Variants in CELSR1 observed in about 807,000 individuals in gnomAD.
CELSR1 encodes adhesion G protein-coupled receptor C1.
Under a neutral mutation model 249.1 loss-of-function variants are expected in CELSR1, and 110 were observed. That is an observed-to-expected ratio of 0.44 (90% CI 0.38 to 0.52). The LOEUF (loss-of-function observed/expected upper bound fraction) is 0.52, where lower values mean the gene tolerates loss of function less well. CELSR1 is among the 20% of genes least tolerant of loss of function. The pLI, the probability that CELSR1 is intolerant of heterozygous loss-of-function variation, is 0.00. For synonymous variants in CELSR1, 2,113 were observed against 1,900.0 expected (o/e 1.11, Z -2.92); for missense variants, 4,109 against 4,296.4 (o/e 0.96, Z 1.22).
At position 46,471,595 on chromosome 22, in the gene CELSR1, G is replaced by A. The variant is rs1468974098; in HGVS notation, c.3545-7250C>T. On this transcript the variant is annotated intron_variant, in intron 1 of 34. Transcript: ENST00000674500. This position sits in a 1 kb window ranked among gnomAD's most constrained non-coding sequence, Gnocchi z 4.9. Reference sequence around the variant, plus strand: ...GTTTTTTGTAGAGGTGAGGCCGTGCGATGTTGCCCAGGCTGGTCTCACACT... The same window carrying A: ...GTTTTTTGTAGAGGTGAGGCCGTGCAATGTTGCCCAGGCTGGTCTCACACT... Among the ~76,000 whole-genome samples the A allele has an allele frequency of 2.0e-5, 3 of 152,060 alleles. No individual in the cohort carries two copies. The highest frequency in any genetic ancestry group is 2.1e-4 in the South Asian group (1 of 4,820).
In CELSR1 at chr22:46,406,669, G is replaced by C. The variant is rs1046036565; in HGVS notation, c.5226+2327C>G. Among the ~76,000 whole-genome samples, 8 of 152,230 alleles carry C rather than the reference G, an allele frequency of 5.3e-5. No individual in the cohort carries two copies. The highest frequency in any genetic ancestry group is 1.3e-4 in the Admixed American group (2 of 15,286). ...ACTGTTTCTAGATGGGCTGTCCTTA[G>C]GAGTGACAGAGAAGGGCCTGTGGCT... On this transcript the variant is annotated intron_variant, in intron 9 of 34. Transcript: ENST00000674500. The surrounding 1 kb of genome is among the most constrained non-coding windows in gnomAD (Gnocchi z 5.4).
rs2080654594 is a variant in CELSR1, at chr22:46,518,758, G to GGGCGCGGTGGCTC, written c.3544+14856_3544+14868dup. Among the ~76,000 whole-genome samples the GGGCGCGGTGGCTC allele has an allele frequency of 6.6e-6, 1 of 152,162 alleles. No homozygotes were observed. Among genetic ancestry groups the GGGCGCGGTGGCTC allele is most frequent in the Non-Finnish European group, 1.5e-5 (1 of 68,040 alleles). On this transcript the variant is annotated intron_variant, in intron 1 of 34. Transcript: ENST00000674500. This position sits in a 1 kb window ranked among gnomAD's most constrained non-coding sequence, Gnocchi z 5.2. ...TCTTATAAAGACTCCAGTTGTGGCT[G>GGGCGCGGTGGCTC]GGCGCGGTGGCTCGCCTGTAATCCA...
chr22:46,524,055 G>C (rs190510116), intron 1 of CELSR1, among the ~76,000 whole-genome samples: 1 of 152,320 alleles, frequency 6.6e-6, no homozygotes, highest in East Asian at 1.9e-4. Context: ...CTCCAGCTCT[G>C]TGCCCCAGGG....
Position 46,435,279 on chromosome 22 carries a change from ATT to A in CELSR1, c.4522+893_4522+894del, listed in dbSNP as rs887443508. Among the ~76,000 whole-genome samples, 912 of 108,268 alleles carry A rather than the reference ATT, an allele frequency of 8.4e-3. 9 individuals carry two copies. Among genetic ancestry groups the A allele is most frequent in the African/African-American group, 0.035 (778 of 22,526 alleles). 71.0% of individuals were successfully genotyped at this position (108,268 alleles called of 152,430 possible). On this transcript the variant is annotated intron_variant, in intron 4 of 34. Transcript: ENST00000674500. ...CCTTGTCCAAAAAAAAAAAAAAAAA[ATT>A]TTTTTTTTTTTTTTTTTTGAGATGG...
chr22:46,516,350 C>T (rs886686419), intron 1 of CELSR1, among the ~76,000 whole-genome samples: 1 of 152,024 alleles, frequency 6.6e-6, no homozygotes, highest in African/African-American at 2.4e-5. Flanking sequence ...AGCAAACTAT[C>T]GCAAGGACAA....
At chr22:46,503,078 C>G (rs1245132959) in intron 1 of CELSR1, among the ~76,000 whole-genome samples, 1 of 152,172 alleles carries the variant, frequency 6.6e-6, no homozygotes, top group East Asian at 1.9e-4. Context: ...TGTCCCTTAA[C>G]AGTCGGGGGA....
chr22:46,461,151 G>C (rs2080022033), intron 2 of CELSR1, among the ~76,000 whole-genome samples: 1 of 152,092 alleles, frequency 6.6e-6, no homozygotes, highest in Non-Finnish European at 1.5e-5. Context: ...CGCTTCAAAG[G>C]GAAAGAGGGA....
chr22:46,365,439 A>C, intron 31 of CELSR1, 59 bp from the exon 32 acceptor site: 1 of 1,592,994 alleles, frequency 6.3e-7, no homozygotes, highest in South Asian at 1.1e-5. Context: ...AGTCCCACCG[A>C]GGGCCAAGCA....
intron 1 of CELSR1, among the ~76,000 whole-genome samples, chr22:46,474,405 G>A (rs1047429223): frequency 5.9e-5 from 9 of 151,978 alleles, no homozygotes; most frequent in African/African-American, 1.7e-4. Flanking sequence ...ACATCCTCCC[G>A]TTGGTCCCAC....
At chr22:46,453,317 G>A (rs1418047393) in intron 2 of CELSR1, among the ~76,000 whole-genome samples, 2 of 152,154 alleles carry the variant, frequency 1.3e-5, no homozygotes, top group Non-Finnish European at 2.9e-5. Context: ...CACTCATCAC[G>A]AGAAAAGGCT....
At position 46,534,177 on chromosome 22, in the gene CELSR1, C is replaced by T. The variant is rs2147823452; in HGVS notation, c.2994G>A (p.Met998Ile). 1 of 1,613,904 alleles carries T rather than the reference C, an allele frequency of 6.2e-7. No homozygotes were observed. Among genetic ancestry groups the T allele is most frequent in the African/African-American group, 1.3e-5 (1 of 75,064 alleles). The change falls in exon 1 of 35, where the codon ATG (methionine) becomes ATA (isoleucine). Residue 998 changes from methionine (M) to isoleucine (I), a missense_variant. Around this residue, in one of 7 missense-constraint regions of CELSR1, gnomAD observed 886 missense variants for 896.5 expected, o/e 0.99. Transcript: ENST00000674500. The surrounding 1 kb of genome is among the most constrained non-coding windows in gnomAD (Gnocchi z 9.7). ...TILDINDNAPMFEKDELELFV... is the reference protein window; with the variant it reads ...TILDINDNAPIFEKDELELFV... ...ACAGCTCCAGTTCGTCCTTCTCAAA[C>T]ATGGGGGCATTGTCATTAATGTCCA...
chr22:46,499,185 TA>T (rs10606942), intron 1 of CELSR1, among the ~76,000 whole-genome samples: 29,494 of 130,676 alleles, frequency 0.23, 3,221 homozygotes, highest in Middle Eastern at 0.28. Flanking sequence ...GTTGCAAATC[TA>T]AAAAAAAAAA....
chr22:46,443,060 G>A (rs538487407), intron 2 of CELSR1, among the ~76,000 whole-genome samples: 95 of 152,000 alleles, frequency 6.3e-4, no homozygotes, highest in Admixed American at 4.5e-3. Context: ...ATCGCACCGC[G>A]GCACTCCAGC....
intron 2 of CELSR1, among the ~76,000 whole-genome samples, chr22:46,439,919 G>A (rs915743483): frequency 6.6e-6 from 1 of 150,944 alleles, no homozygotes; most frequent in Non-Finnish European, 1.5e-5. Context: ...TGCCCTGACT[G>A]CCGTCCGCCC....
intron 1 of CELSR1, among the ~76,000 whole-genome samples, chr22:46,476,037 GCATT>G (rs1345870387): frequency 1.3e-5 from 2 of 152,140 alleles, no homozygotes; most frequent in Non-Finnish European, 2.9e-5. Flanking sequence ...TTGAGCAAGT[GCATT>G]CTTGTCAGGA....
In CELSR1 at chr22:46,436,989, C is replaced by G. The variant is rs1398651003; in HGVS notation, c.4407-700G>C. ...TCATTGGTTTATAAGAATGTATGAT[C>G]CATAAGGGGAGGAACCGCAGCTCTC... On this transcript the variant is annotated intron_variant, in intron 3 of 34. Transcript: ENST00000674500. The surrounding 1 kb of genome is among the most constrained non-coding windows in gnomAD (Gnocchi z 5.9). Among the ~76,000 whole-genome samples the G allele has an allele frequency of 6.6e-6, 1 of 152,144 alleles. No homozygotes were observed. The highest frequency in any genetic ancestry group is 2.4e-5 in the African/African-American group (1 of 41,416).
chr22:46,410,603 G>C lies in CELSR1; in HGVS notation c.4770-42C>G, dbSNP rs376936780. 12 of 1,600,364 alleles carry C rather than the reference G, an allele frequency of 7.5e-6. No homozygotes were observed. The South Asian group carries it at 1.3e-4, about 18-fold the overall frequency. On this transcript the variant is annotated intron_variant, in intron 6 of 34. Transcript: ENST00000674500. This position sits in a 1 kb window ranked among gnomAD's most constrained non-coding sequence, Gnocchi z 6.8. ...ATCTTCTGTGACGTCAGGGCGGGGA[G>C]AGGCGGCCACGGCGGGCTGGGCTCC...
At position 46,500,852 on chromosome 22, in the gene CELSR1, C is replaced by T. The variant is rs972606700; in HGVS notation, c.3544+32775G>A. Among the ~76,000 whole-genome samples the T allele has an allele frequency of 2.0e-5, 3 of 152,170 alleles. No homozygotes were observed. The East Asian group carries it at 5.8e-4, about 29-fold the overall frequency. ...TCAGGCTCAGAACATCCCCCATCTGCGGGCAGAGCTGTCCTTGTAAGCACG... is the reference window on the plus strand; with the variant it reads ...TCAGGCTCAGAACATCCCCCATCTGTGGGCAGAGCTGTCCTTGTAAGCACG... On this transcript the variant is annotated intron_variant, in intron 1 of 34. Transcript: ENST00000674500. This position sits in a 1 kb window ranked among gnomAD's most constrained non-coding sequence, Gnocchi z 4.9.
At position 46,374,349 on chromosome 22, in the gene CELSR1, G is replaced by A. The variant is rs1282416613; in HGVS notation, c.7585-1292C>T. On this transcript the variant is annotated intron_variant, in intron 24 of 34. Transcript: ENST00000674500. This position sits in a 1 kb window ranked among gnomAD's most constrained non-coding sequence, Gnocchi z 4.3. Reference sequence around the variant, plus strand: ...CGAGGGCTGTGCCATCCTGGCTGCAGCAGGGTCGTACCTGCTTCCCTAACC... The same window carrying A: ...CGAGGGCTGTGCCATCCTGGCTGCAACAGGGTCGTACCTGCTTCCCTAACC... Among the ~76,000 whole-genome samples the A allele has an allele frequency of 6.6e-6, 1 of 152,236 alleles. No homozygotes were observed. Among genetic ancestry groups the A allele is most frequent in the East Asian group, 1.9e-4 (1 of 5,208 alleles).
Sources: allele counts gnomAD v4.1 joint callset (sites outside exome capture counted in the v4.1 genomes callset), GRCh38; gene constraint gnomAD v4.1.1; regional missense constraint gnomAD v4.1.1; non-coding constraint Gnocchi (gnomAD v3.1); transcripts MANE v1.5; gene names NCBI Gene and HGNC (gene_info 2026-07-23, HGNC 2026-07-21).